SLC20A2: variants seen among roughly 807,000 people sequenced by gnomAD.
SLC20A2 encodes the protein solute carrier family 20 member 2, also known as sodium-dependent phosphate transporter 2.
In SLC20A2, 30 loss-of-function variants were observed where a neutral mutation model predicts 61.0. The observed-to-expected ratio is 0.49, with a 90% CI of 0.37 to 0.67. The LOEUF is 0.67. Among genes scored for constraint, SLC20A2 ranks in the 30% least tolerant of loss-of-function variants. The pLI, the probability that SLC20A2 is intolerant of heterozygous loss-of-function variation, is 0.00. For missense variants in SLC20A2, 626 were observed against 866.4 expected (o/e 0.72, Z 3.48); for synonymous variants, 351 against 353.3 (o/e 0.99, Z 0.07).
chr8:42,434,002 C>A (rs1168725596), intron 8 of SLC20A2, among the ~76,000 whole-genome samples: 1 of 152,150 alleles, frequency 6.6e-6, no homozygotes, highest in Admixed American at 6.6e-5. Context: ...TTCTCTACAT[C>A]CTTGACAACA....
At chr8:42,500,571 A>G (rs1478585819) in intron 1 of SLC20A2, among the ~76,000 whole-genome samples, 2 of 152,228 alleles carry the variant, frequency 1.3e-5, no homozygotes, top group Admixed American at 6.5e-5. Context: ...AAAACTGTCC[A>G]TCTATACATT....
At chr8:42,418,802 T>G (rs1380623929) in intron 10 of SLC20A2, among the ~76,000 whole-genome samples, 1 of 151,688 alleles carries the variant, frequency 6.6e-6, no homozygotes, top group Non-Finnish European at 1.5e-5. Flanking sequence ...ATGGAGACCA[T>G]CCTGGCTAAC....
upstream of SLC20A2, among the ~76,000 whole-genome samples, chr8:42,504,852 C>CAA (rs771127709): frequency 0.069 from 1,144 of 16,498 alleles, 413 homozygotes; most frequent in Admixed American, 0.12. Context: ...GACTCCGTCT[C>CAA]AAAAAAAAAA....
In SLC20A2 at chr8:42,436,993, C is replaced by T; in HGVS notation, c.1519G>A (p.Val507Met). The T allele has an allele frequency of 2.5e-6, 4 of 1,597,306 alleles. No individual in the cohort carries two copies. Among genetic ancestry groups the T allele is most frequent in the Non-Finnish European group, 3.4e-6 (4 of 1,170,862 alleles). ...FGSFAHGGND[V>M]SNAIGPLVAL... The stretch of plus-strand genomic sequence containing the variant: ...TGAATGAATGAAAGCACCCACCTCA[C>T]GTCATTGCCGCCGTGAGCAAAGGAC... Residue 507 changes from valine (V) to methionine (M), a missense_variant, in exon 8 of 11, where the codon GTG becomes ATG. Val to Met is a conservative substitution (Grantham distance 21). Around this residue, in one of 3 missense-constraint regions of SLC20A2, gnomAD observed 138 missense variants for 228.7 expected, o/e 0.60. Coordinates refer to ENST00000520262, the MANE Select transcript of SLC20A2 (RefSeq NM_001257180.2).
At chr8:42,440,749 C>T (rs1804708575) in intron 6 of SLC20A2, among the ~76,000 whole-genome samples, 2 of 152,166 alleles carry the variant, frequency 1.3e-5, no homozygotes, top group African/African-American at 4.8e-5. Flanking sequence ...AGTTCCTCTT[C>T]ATTCTTCTAA....
intron 1 of SLC20A2, among the ~76,000 whole-genome samples, chr8:42,492,498 C>G (rs192610747): frequency 6.6e-6 from 1 of 152,078 alleles, no homozygotes; most frequent in Non-Finnish European, 1.5e-5. Flanking sequence ...GAAAGGAAGG[C>G]GAGCATAAAA....
chr8:42,482,135 C>A (rs1055488818), intron 1 of SLC20A2, among the ~76,000 whole-genome samples: 1 of 152,160 alleles, frequency 6.6e-6, no homozygotes, highest in Non-Finnish European at 1.5e-5. Context: ...ACATGACTTA[C>A]ATGGAAAATA....
intron 1 of SLC20A2, among the ~76,000 whole-genome samples, chr8:42,481,643 C>A (rs78191360): frequency 0.028 from 4,328 of 152,240 alleles, 213 homozygotes; most frequent in African/African-American, 0.098. Context: ...AACCAGAGAC[C>A]ACAGGGCCAG....
chr8:42,462,888 TG>T, intron 4 of SLC20A2, 116 bp downstream of exon 4: 3 of 572,402 alleles, frequency 5.2e-6, no homozygotes, highest in South Asian at 5.9e-5. Context: ...TGCAGGGTGC[TG>T]TGCCTTGACA....
chr8:42,447,478 C>A (rs566802733), intron 5 of SLC20A2, among the ~76,000 whole-genome samples: 2 of 152,052 alleles, frequency 1.3e-5, no homozygotes, highest in African/African-American at 4.8e-5. Context: ...GAGATGGAGA[C>A]CATCCTGGCT....
At chr8:42,525,581 C>CAAAAAAA (rs34356863) in intron 1 of SLC20A2, among the ~76,000 whole-genome samples, 2 of 68,724 alleles carry the variant, frequency 2.9e-5, no homozygotes, top group Admixed American at 1.8e-4. Context: ...GACTCTGTCT[C>CAAAAAAA]AAAAAAAAAA....
At chr8:42,469,484 T>TC (rs1807452077) in intron 2 of SLC20A2, among the ~76,000 whole-genome samples, 1 of 152,148 alleles carries the variant, frequency 6.6e-6, no homozygotes, top group Admixed American at 6.5e-5. Context: ...GGAGAAATGA[T>TC]CCCGTCTGCA....
intron 5 of SLC20A2, among the ~76,000 whole-genome samples, chr8:42,449,629 CCTT>C (rs1267733049): frequency 6.6e-6 from 1 of 152,188 alleles, no homozygotes; most frequent in Non-Finnish European, 1.5e-5. Flanking sequence ...CTACAATCTT[CCTT>C]CTTATTGACT....
chr8:42,483,885 T>C (rs557973996), intron 1 of SLC20A2, among the ~76,000 whole-genome samples: 11 of 152,300 alleles, frequency 7.2e-5, no homozygotes, highest in Admixed American at 1.3e-4. Context: ...TGTATGAAAA[T>C]AGATATGGCT....
intron 7 of SLC20A2, among the ~76,000 whole-genome samples, chr8:42,438,075 A>AAAC (rs1804470793): frequency 6.9e-5 from 10 of 144,338 alleles, no homozygotes; most frequent in Non-Finnish European, 1.5e-4. Flanking sequence ...AAAAAAAAAA[A>AAAC]AAAAAAAAAA....
At chr8:42,458,110 C>A (rs1177227643) in intron 5 of SLC20A2, among the ~76,000 whole-genome samples, 1 of 152,114 alleles carries the variant, frequency 6.6e-6, no homozygotes, top group Non-Finnish European at 1.5e-5. Context: ...CCATAACAGA[C>A]ATTAAGAAGA....
chr8:42,447,733 A>G (rs1333543862), intron 5 of SLC20A2, among the ~76,000 whole-genome samples: 1 of 152,236 alleles, frequency 6.6e-6, no homozygotes, highest in East Asian at 1.9e-4. Context: ...TAGAATAGGT[A>G]GTTAATACTA....
chr8:42,437,488 G>T lies in SLC20A2; in HGVS notation c.1024C>A (p.His342Asn). ...TCTTTGTGCACGGTGTGGTACACAT[G>T]ACCGTCGCTCCTGGTGTGGCCGTCG... The part of the protein sequence containing the change: ...GFDGHTRSDG[H>N]VYHTVHKDSG... Residue 342 changes from histidine to asparagine, a missense_variant, in exon 8 of 11, where the codon CAT becomes AAT. Coordinates refer to ENST00000520262, the MANE Select transcript of SLC20A2 (RefSeq NM_001257180.2). This position sits in a 1 kb window ranked among gnomAD's most constrained non-coding sequence, Gnocchi z 6.4. The T allele has an allele frequency of 6.2e-7, 1 of 1,614,134 alleles. No homozygotes were observed. Among genetic ancestry groups the T allele is most frequent in the South Asian group, 1.1e-5 (1 of 91,060 alleles).
intron 2 of SLC20A2, 102 bp from the exon 3 acceptor site, chr8:42,466,019 T>TCTGTCTCAAA: frequency 9.6e-7 from 1 of 1,046,278 alleles, no homozygotes; most frequent in Non-Finnish European, 1.3e-6. Context: ...TCCCAGAGTT[T>TCTGTCTCAAA]AATTTTCTGT....
Sources: gnomAD v4.1 joint callset for allele counts (sites outside exome capture counted in the v4.1 genomes callset) on GRCh38, gnomAD v4.1.1 for gene constraint, gnomAD v4.1.1 regional missense constraint, Gnocchi (gnomAD v3.1) non-coding constraint, MANE v1.5 for transcripts, NCBI Gene and HGNC (gene_info 2026-07-23, HGNC 2026-07-21) for gene names.